RAD54L2: variants seen among roughly 807,000 people sequenced by gnomAD.
RAD54L2 encodes the protein helicase ARIP4.
In RAD54L2, 27 loss-of-function variants were observed where a neutral mutation model predicts 138.4. The ratio of observed to expected loss-of-function variants is 0.20; its 90% CI spans 0.14 to 0.27. RAD54L2 has a LOEUF of 0.27. Among genes scored for constraint, RAD54L2 ranks in the 10% least tolerant of loss-of-function variants. The probability of loss-of-function intolerance (pLI) is 1.00; values close to 1 mark genes in which losing one functional copy is unlikely to be tolerated. For missense variants in RAD54L2, 1,396 were observed against 1,890.2 expected (o/e 0.74, Z 4.85); for synonymous variants, 644 against 723.2 (o/e 0.89, Z 1.76).
At position 51,645,573 on chromosome 3, in the gene RAD54L2, A is replaced by C. The variant is rs769897878; in HGVS notation, c.2657-18A>C. 5 of 1,592,588 alleles carry C rather than the reference A, an allele frequency of 3.1e-6. No individual in the cohort carries two copies. Among genetic ancestry groups the C allele is most frequent in the South Asian group, 2.3e-5 (2 of 87,306 alleles). ...TTAATGCCATGTGCTGACTTTCTTC[A>C]TGTCTTTATCCTTCTAGATCGGGTG... On this transcript the variant is annotated intron_variant, in intron 17 of 22. Transcript: ENST00000684192. This position sits in a 1 kb window ranked among gnomAD's most constrained non-coding sequence, Gnocchi z 6.1.
Position 51,637,289 on chromosome 3 carries a change from C to T in RAD54L2, c.1468C>T (p.Leu490=). ...TATCCGCTCTCGCCGCCGGGTGGTG[C>T]TGACTGGGTACCCTCTGCAAAACAA... The part of the protein sequence containing the change: ...KNIRSRRRVV[L]TGYPLQNNLI... The change falls in exon 11 of 23, where the codon CTG becomes TTG. Residue 490 remains leucine (L), a synonymous_variant. Coordinates refer to ENST00000684192, the MANE Select transcript of RAD54L2 (RefSeq NM_015106.4). The surrounding 1 kb of genome is among the most constrained non-coding windows in gnomAD (Gnocchi z 5.9). 1 of 1,612,198 alleles carries T rather than the reference C, an allele frequency of 6.2e-7. No individual in the cohort carries two copies. The highest frequency in any genetic ancestry group is 8.5e-7 in the Non-Finnish European group (1 of 1,179,190).
At chr3:51,572,045 T>A (rs1699348701) in intron 2 of RAD54L2, among the ~76,000 whole-genome samples, 1 of 152,234 alleles carries the variant, frequency 6.6e-6, no homozygotes, top group African/African-American at 2.4e-5. Flanking sequence ...TCTTTGCTAG[T>A]ATTCACTTGT....
chr3:51,589,732 A>G (rs1048172961), intron 2 of RAD54L2, among the ~76,000 whole-genome samples: 10 of 152,054 alleles, frequency 6.6e-5, no homozygotes, highest in African/African-American at 2.2e-4. Flanking sequence ...ATGTATATGT[A>G]TAAATAGATA....
At chr3:51,544,207 C>T (rs1698629701) in intron 2 of RAD54L2, among the ~76,000 whole-genome samples, 1 of 152,102 alleles carries the variant, frequency 6.6e-6, no homozygotes, top group South Asian at 2.1e-4. Context: ...AATGAATAAC[C>T]TTTGCTTATG....
chr3:51,630,248 TC>T (rs1700803932), intron 5 of RAD54L2, 23 bp from the exon 6 acceptor site: 2 of 1,589,648 alleles, frequency 1.3e-6, no homozygotes, highest in South Asian at 2.2e-5. Flanking sequence ...TTGACACCGT[TC>T]CCTTCCATTT....
At chr3:51,636,723 G>C (rs1356163784) in intron 10 of RAD54L2, among the ~76,000 whole-genome samples, 1 of 152,162 alleles carries the variant, frequency 6.6e-6, no homozygotes, top group East Asian at 1.9e-4. Flanking sequence ...CATGAGGTCA[G>C]GAGTTCGAGA....
At chr3:51,623,454 T>C (rs1700608155) in intron 3 of RAD54L2, among the ~76,000 whole-genome samples, 1 of 152,172 alleles carries the variant, frequency 6.6e-6, no homozygotes, top group African/African-American at 2.4e-5. Flanking sequence ...GTTTGAAGAA[T>C]AGTATCTTCC....
intron 3 of RAD54L2, among the ~76,000 whole-genome samples, chr3:51,619,215 G>A (rs942475829): frequency 3.9e-5 from 6 of 152,182 alleles, no homozygotes; most frequent in East Asian, 3.9e-4. Flanking sequence ...CCGCCACCAC[G>A]CGTGGCTAAT....
At chr3:51,569,926 C>T (rs1487805284) in intron 2 of RAD54L2, among the ~76,000 whole-genome samples, 1 of 151,992 alleles carries the variant, frequency 6.6e-6, no homozygotes, top group Non-Finnish European at 1.5e-5. Flanking sequence ...CCTTGACTCC[C>T]TGGGCTCAAA....
chr3:51,539,547 T>C (rs778525857), intron 1 of RAD54L2, among the ~76,000 whole-genome samples: 1 of 152,188 alleles, frequency 6.6e-6, no homozygotes, highest in Non-Finnish European at 1.5e-5. Context: ...AAGGAACTTA[T>C]CACAGGAGTG....
chr3:51,601,389 C>T (rs1193624123), intron 3 of RAD54L2, among the ~76,000 whole-genome samples: 1 of 150,336 alleles, frequency 6.7e-6, no homozygotes, highest in East Asian at 2.0e-4. Flanking sequence ...CTCACTGCAA[C>T]CTCTGCCTCA....
At chr3:51,577,771 C>T (rs1457964813) in intron 2 of RAD54L2, among the ~76,000 whole-genome samples, 1 of 152,126 alleles carries the variant, frequency 6.6e-6, no homozygotes, top group Non-Finnish European at 1.5e-5. Flanking sequence ...TGGGCTCCAC[C>T]CAGTGTCCGA....
intron 2 of RAD54L2, among the ~76,000 whole-genome samples, chr3:51,577,417 G>A (rs1055680101): frequency 2.0e-5 from 3 of 152,128 alleles, no homozygotes; most frequent in East Asian, 1.9e-4. Context: ...TTTCTGTCTC[G>A]TCGATCTGTC....
rs1378703603 is a variant in RAD54L2, at chr3:51,666,797, C to G, written c.*3377C>G. The G allele has an allele frequency of 6.6e-6, 1 of 152,134 alleles. No individual in the cohort carries two copies. The highest frequency in any genetic ancestry group is 2.4e-5 in the African/African-American group (1 of 41,410). The allele number at this position is 152,134 out of a possible 1,614,324, so 9.4% of individuals were successfully genotyped here. A position where few individuals can be genotyped will look rare whatever the true frequency, so the allele number is the denominator to read the frequency against. On this transcript the variant is annotated 3_prime_UTR_variant, in exon 23 of 23. Transcript: ENST00000684192. The stretch of plus-strand genomic sequence containing the variant: ...ATAATTCTGTCTGGTCCTTGGAGCT[C>G]TCTTCCCTAGGAATTAGTGTGTGGA...
Position 51,645,194 on chromosome 3 carries a change from T to C in RAD54L2, c.2621T>C (p.Ile874Thr). 1 of 1,613,456 alleles carries C rather than the reference T, an allele frequency of 6.2e-7. No individual in the cohort carries two copies. Among genetic ancestry groups the C allele is most frequent in the Non-Finnish European group, 8.5e-7 (1 of 1,179,696 alleles). The change falls in exon 17 of 23, where the codon ATC (isoleucine) becomes ACC (threonine). Residue 874 changes from isoleucine to threonine, a missense_variant. By Grantham distance (89) the Ile-to-Thr change is moderately conservative (BLOSUM62 -1). This residue lies in a region of RAD54L2 where 78 missense variants were observed against 171.6 expected (regional missense o/e 0.45). Coordinates refer to ENST00000684192, the MANE Select transcript of RAD54L2 (RefSeq NM_015106.4). The surrounding 1 kb of genome is among the most constrained non-coding windows in gnomAD (Gnocchi z 6.1). ...LVADYTLEKK[I>T]YDRQISKQGM... ...GCTGATTACACTCTAGAAAAGAAGA[T>C]CTATGACCGTCAGATTTCCAAGCAG...
Position 51,668,065 on chromosome 3 carries a change from CTG to C in RAD54L2, c.*4664_*4665del, listed in dbSNP as rs35035597. On this transcript the variant is annotated 3_prime_UTR_variant, in exon 23 of 23. Coordinates refer to ENST00000684192, the MANE Select transcript of RAD54L2 (RefSeq NM_015106.4). ...CTCCCTGGAAGAGAGCTCAGCCCAGCTGTGTGTGTGTGTGTGTGTGAGTGTGT... is the reference window on the plus strand; with the variant it reads ...CTCCCTGGAAGAGAGCTCAGCCCAGCTGTGTGTGTGTGTGTGTGAGTGTGT... 491 of 149,670 alleles carry C rather than the reference CTG, an allele frequency of 3.3e-3. 5 individuals are homozygous for C. Among genetic ancestry groups the C allele is most frequent in the African/African-American group, 9.7e-3 (393 of 40,694 alleles). 9.3% of individuals were successfully genotyped at this position (149,670 alleles called of 1,614,324 possible). A position where few individuals can be genotyped will look rare whatever the true frequency, so the allele number is the denominator to read the frequency against.
At chr3:51,555,135 G>A (rs891766719) in intron 2 of RAD54L2, among the ~76,000 whole-genome samples, 1 of 152,028 alleles carries the variant, frequency 6.6e-6, no homozygotes, top group Non-Finnish European at 1.5e-5. Flanking sequence ...AGCCATTGTG[G>A]TGGCCCCAGA....
chr3:51,592,286 C>T (rs1270392342), intron 3 of RAD54L2, among the ~76,000 whole-genome samples: 2 of 151,848 alleles, frequency 1.3e-5, no homozygotes, highest in East Asian at 3.9e-4. Context: ...TGTTCTCGAA[C>T]TCCTAACCTC....
intron 3 of RAD54L2, among the ~76,000 whole-genome samples, chr3:51,604,291 T>C (rs1700134050): frequency 6.6e-6 from 1 of 152,162 alleles, no homozygotes. Context: ...CCATCTGGAA[T>C]TGATTTTTGT....
Sources: allele counts gnomAD v4.1 joint callset (sites outside exome capture counted in the v4.1 genomes callset), GRCh38; gene constraint gnomAD v4.1.1; regional missense constraint gnomAD v4.1.1; non-coding constraint Gnocchi (gnomAD v3.1); transcripts MANE v1.5; gene names NCBI Gene and HGNC (gene_info 2026-07-23, HGNC 2026-07-21).